RAP1GDS1: variants seen among roughly 807,000 people sequenced by gnomAD.
RAP1GDS1 encodes the protein Rap1 GTPase-GDP dissociation stimulator 1.
A neutral mutation model predicts 71.1 loss-of-function variants in RAP1GDS1; 35 were observed. The ratio of observed to expected loss-of-function variants is 0.49; its 90% confidence interval spans 0.38 to 0.65. RAP1GDS1 has a LOEUF of 0.65. Ranked by LOEUF, RAP1GDS1 falls within the 30% of genes least tolerant of loss-of-function variation. RAP1GDS1 has a pLI of 0.00. For missense variants in RAP1GDS1, 663 were observed against 706.1 expected, an observed-to-expected ratio of 0.94 and a Z score of 0.69; for synonymous variants, 229 against 243.1, an observed-to-expected ratio of 0.94 and a Z score of 0.54.
chr4:98,403,241 T>TA (rs1196794795), intron 6 of RAP1GDS1, among the ~76,000 whole-genome samples: 2 of 152,102 alleles, frequency 1.3e-5, no homozygotes, highest in Non-Finnish European at 2.9e-5. Context: ...CAGTATATAT[T>TA]AGATTAGGTC....
At chr4:98,267,270 G>A (rs946961207) in intron 1 of RAP1GDS1, among the ~76,000 whole-genome samples, 1 of 152,012 alleles carries the variant, frequency 6.6e-6, no homozygotes, top group Non-Finnish European at 1.5e-5. Context: ...TTCATTGTTT[G>A]GAAAGAGTTT....
chr4:98,415,869 A>T (rs1009395946), intron 7 of RAP1GDS1, among the ~76,000 whole-genome samples: 4 of 152,198 alleles, frequency 2.6e-5, no homozygotes, highest in Non-Finnish European at 5.9e-5. Context: ...AGAAAGCTTT[A>T]AATCAATGAA....
At chr4:98,295,604 T>C (rs1727625311) in intron 2 of RAP1GDS1, among the ~76,000 whole-genome samples, 1 of 152,096 alleles carries the variant, frequency 6.6e-6, no homozygotes, top group African/African-American at 2.4e-5. Context: ...TTATTTGCCT[T>C]GCTCTGGAAG....
chr4:98,422,974 A>G (rs2110196910), intron 12 of RAP1GDS1, among the ~76,000 whole-genome samples: 1 of 152,330 alleles, frequency 6.6e-6, no homozygotes, highest in South Asian at 2.1e-4. Flanking sequence ...TCTCCATCAT[A>G]ACTGCTCTCT....
intron 7 of RAP1GDS1, among the ~76,000 whole-genome samples, chr4:98,408,625 GA>G (rs1231227357): frequency 6.6e-6 from 1 of 152,054 alleles, no homozygotes; most frequent in Admixed American, 6.6e-5. Flanking sequence ...GTCTCACCAT[GA>G]ACATAGATCC....
intron 6 of RAP1GDS1, among the ~76,000 whole-genome samples, chr4:98,393,995 A>G (rs952545561): frequency 1.3e-5 from 2 of 152,154 alleles, no homozygotes; most frequent in Non-Finnish European, 2.9e-5. Context: ...GTGCAACAGA[A>G]TCATCCTTCA....
At chr4:98,334,517 T>A (rs541556576) in intron 2 of RAP1GDS1, among the ~76,000 whole-genome samples, 8 of 152,234 alleles carry the variant, frequency 5.3e-5, no homozygotes, top group Non-Finnish European at 1.2e-4. Context: ...AGGGAAATCG[T>A]TTAGTGTGTT....
intron 7 of RAP1GDS1, among the ~76,000 whole-genome samples, chr4:98,410,668 T>C (rs1046541859): frequency 1.3e-5 from 2 of 152,114 alleles, no homozygotes; most frequent in Admixed American, 6.5e-5. Flanking sequence ...TATAGAGTTA[T>C]GAAAAGGAAT....
intron 5 of RAP1GDS1, among the ~76,000 whole-genome samples, chr4:98,383,451 T>G (rs1742300767): frequency 6.6e-6 from 1 of 151,534 alleles, no homozygotes; most frequent in Admixed American, 6.6e-5. Context: ...TACAGCCGAT[T>G]TTTCTAATAT....
chr4:98,284,915 T>G (rs939051981), intron 1 of RAP1GDS1, among the ~76,000 whole-genome samples: 3 of 152,126 alleles, frequency 2.0e-5, no homozygotes, highest in African/African-American at 7.2e-5. Context: ...GTTAGATGAT[T>G]TAGATCATGC....
intron 7 of RAP1GDS1, among the ~76,000 whole-genome samples, chr4:98,412,570 A>G (rs972189063): frequency 2.6e-5 from 4 of 152,194 alleles, no homozygotes; most frequent in African/African-American, 7.2e-5. Flanking sequence ...ACTAGCATTT[A>G]TCTTAAGGAG....
intron 7 of RAP1GDS1, among the ~76,000 whole-genome samples, chr4:98,405,341 T>G (rs1469340832): frequency 6.6e-6 from 1 of 152,134 alleles, no homozygotes; most frequent in Non-Finnish European, 1.5e-5. Context: ...AGTGGGTGGT[T>G]TAATAGCAGA....
chr4:98,359,981 G>A (rs1738486601), intron 4 of RAP1GDS1, among the ~76,000 whole-genome samples: 2 of 152,154 alleles, frequency 1.3e-5, no homozygotes, highest in African/African-American at 4.8e-5. Flanking sequence ...GCAATGTAAA[G>A]TACTCTATCT....
In RAP1GDS1 at chr4:98,394,673, A is replaced by G. The variant is rs552591829; in HGVS notation, c.637+2593A>G. The stretch of plus-strand genomic sequence containing the variant: ...GCTTCTGTGAGAGGAAAATTCATTT[A>G]TCTAAGTTACGAACACATGAATATT... On this transcript the variant is annotated intron_variant, in intron 6 of 14. Transcript: ENST00000408927. Among the ~76,000 whole-genome samples the G allele has an allele frequency of 9.1e-4, 138 of 152,220 alleles. 3 individuals are homozygous for G. The highest frequency in any genetic ancestry group is 3.2e-3 in the African/African-American group (133 of 41,570).
intron 4 of RAP1GDS1, among the ~76,000 whole-genome samples, chr4:98,361,626 T>C (rs1191845797): frequency 6.6e-6 from 1 of 152,224 alleles, no homozygotes; most frequent in Non-Finnish European, 1.5e-5. Flanking sequence ...CAGAAATTAA[T>C]ACTAGTATCA....
intron 1 of RAP1GDS1, among the ~76,000 whole-genome samples, chr4:98,285,442 TAGTAC>T (rs1725827381): frequency 6.6e-6 from 1 of 152,162 alleles, no homozygotes; most frequent in Non-Finnish European, 1.5e-5. Flanking sequence ...AAATGTCAAT[TAGTAC>T]TTTTAAATTA....
In RAP1GDS1 at chr4:98,312,740, T is replaced by G. The variant is rs146203848; in HGVS notation, c.112+19225T>G. 1.4e-3 allele frequency among the ~76,000 whole-genome samples: 215 copies of G among 151,800 alleles called. 1 individual carries two copies. The highest frequency in any genetic ancestry group is 4.2e-3 in the African/African-American group (172 of 41,398). On this transcript the variant is annotated intron_variant, in intron 2 of 14. Coordinates refer to ENST00000408927, the MANE Select transcript of RAP1GDS1 (RefSeq NM_001100427.2). ...ATACATAGATGTATAGATATATATATATAGAGAGAGAAATAGGTATGGGCG... is the reference window on the plus strand; with the variant it reads ...ATACATAGATGTATAGATATATATAGATAGAGAGAGAAATAGGTATGGGCG...
intron 3 of RAP1GDS1, 135 bp from the exon 4 acceptor site, chr4:98,352,341 C>G: frequency 1.1e-6 from 1 of 913,760 alleles, no homozygotes; most frequent in Non-Finnish European, 1.6e-6. Context: ...ATGTACTCTT[C>G]AAATATTCAG....
intron 4 of RAP1GDS1, among the ~76,000 whole-genome samples, chr4:98,374,626 G>T (rs892643493): frequency 6.6e-6 from 1 of 152,134 alleles, no homozygotes; most frequent in African/African-American, 2.4e-5. Context: ...TTTTAATTTA[G>T]GGTGTTCGCA....
Sources: allele counts gnomAD v4.1 joint callset (sites outside exome capture counted in the v4.1 genomes callset), GRCh38; gene constraint gnomAD v4.1.1; transcripts MANE v1.5; gene names NCBI Gene and HGNC (gene_info 2026-07-23, HGNC 2026-07-21).